Variants in IGDCC3 observed in about 807,000 individuals in gnomAD.
IGDCC3 encodes the protein putative neuronal cell adhesion molecule.
IGDCC3 carries 47 observed loss-of-function variants against 72.0 expected under a neutral mutation model. The ratio of observed to expected loss-of-function variants is 0.65; its 90% CI spans 0.52 to 0.83. The LOEUF (loss-of-function observed/expected upper bound fraction) is 0.83. Ranked by LOEUF, IGDCC3 falls within the 40% of genes least tolerant of loss-of-function variation. The pLI is 0.00. For missense variants in IGDCC3, 1,038 were observed against 1,091.3 expected (o/e 0.95, Z 0.69); for synonymous variants, 477 against 472.8 (o/e 1.01, Z -0.11).
chr15:65,374,616 C>A (rs1384821820), intron 2 of IGDCC3, among the ~76,000 whole-genome samples: 1 of 152,122 alleles, frequency 6.6e-6, no homozygotes, highest in Admixed American at 6.5e-5. Flanking sequence ...TCCAGAATTT[C>A]ATTACTGGTA....
At chr15:65,371,382 C>A (rs974800361) in intron 2 of IGDCC3, among the ~76,000 whole-genome samples, 2 of 152,212 alleles carry the variant, frequency 1.3e-5, no homozygotes, top group Admixed American at 1.3e-4. Flanking sequence ...AGCTGGGGTT[C>A]AGACCCATGG....
intron 2 of IGDCC3, among the ~76,000 whole-genome samples, chr15:65,345,685 A>C (rs2091119406): frequency 6.6e-6 from 1 of 152,220 alleles, no homozygotes; most frequent in Admixed American, 6.5e-5. Context: ...CACCAGAGCC[A>C]GGATCTTAGG....
chr15:65,358,702 C>T (rs910539098), intron 2 of IGDCC3, among the ~76,000 whole-genome samples: 1 of 152,050 alleles, frequency 6.6e-6, no homozygotes. Flanking sequence ...GACATGGTCT[C>T]TCTCTGTCAC....
intron 2 of IGDCC3, chr15:65,355,656 T>TACCCCCCCCC: frequency 4.7e-6 from 1 of 211,730 alleles, no homozygotes; most frequent in Non-Finnish European, 9.7e-6. Context: ...GACGCGGGCG[T>TACCCCCCCCC]CCCGCCCCCC....
At chr15:65,352,577 TC>T (rs2091181527) in intron 2 of IGDCC3, among the ~76,000 whole-genome samples, 1 of 152,172 alleles carries the variant, frequency 6.6e-6, no homozygotes, top group Non-Finnish European at 1.5e-5. Flanking sequence ...CCCCAAGTTA[TC>T]TTGGGACCTC....
chr15:65,353,999 T>C (rs1256082777), intron 2 of IGDCC3, among the ~76,000 whole-genome samples: 1 of 152,006 alleles, frequency 6.6e-6, no homozygotes, highest in Non-Finnish European at 1.5e-5. Flanking sequence ...TCCACCTCCC[T>C]GCTTCAAGTG....
Position 65,377,538 on chromosome 15 carries a change from G to A in IGDCC3, c.103+148C>T, listed in dbSNP as rs2091366353. The stretch of plus-strand genomic sequence containing the variant: ...AGTCCGGCCTTGGTACCCTCTCCCC[G>A]TCCGGATCCGCAGGGTCCCCCCCGC... On this transcript the variant is annotated intron_variant, in intron 1 of 13. Transcript: ENST00000327987. This position sits in a 1 kb window ranked among gnomAD's most constrained non-coding sequence, Gnocchi z 4.9. The A allele has an allele frequency of 5.1e-6, 4 of 785,944 alleles. No homozygotes were observed. Among genetic ancestry groups the A allele is most frequent in the Non-Finnish European group, 6.8e-6 (4 of 584,038 alleles). 48.7% of individuals were successfully genotyped at this position (785,944 alleles called of 1,614,324 possible). A position where few individuals can be genotyped will look rare whatever the true frequency, so the allele number is the denominator to read the frequency against.
In IGDCC3 at chr15:65,370,630, A is replaced by ATG. The variant is rs1385235227; in HGVS notation, c.409+4466_409+4467insCA. Among the ~76,000 whole-genome samples the ATG allele has an allele frequency of 1.1e-4, 16 of 144,590 alleles. No homozygotes were observed. The South Asian group carries it at 1.9e-3, about 17-fold the overall frequency. 94.9% of individuals were successfully genotyped at this position (144,590 alleles called of 152,430 possible). A position where few individuals can be genotyped will look rare whatever the true frequency, so the allele number is the denominator to read the frequency against. On this transcript the variant is annotated intron_variant, in intron 2 of 13. Coordinates refer to ENST00000327987, the MANE Select transcript of IGDCC3 (RefSeq NM_004884.4). ...TATATATATGTATGTGTATATATAT[A>ATG]TATATATATATATATATAAAATTAG...
At position 65,330,295 on chromosome 15, in the gene IGDCC3, G is replaced by A. The variant is rs919594927; in HGVS notation, c.1856C>T (p.Thr619Ile). The A allele has an allele frequency of 6.8e-6, 11 of 1,610,590 alleles. No homozygotes were observed. The highest frequency in any genetic ancestry group is 2.2e-5 in the East Asian group (1 of 44,856). Reference sequence around the variant, plus strand: ...CGCACTCCATCCCCAGCCCTCACCTGTCCTCTCAGATGCTCCCCTCAAAGA... The same window carrying A: ...CGCACTCCATCCCCAGCCCTCACCTATCCTCTCAGATGCTCCCCTCAAAGA... ...FVSLRGASER[T>I]ALSPPCDCRK... Residue 619 changes from threonine to isoleucine, a missense_variant and splice_region_variant, in exon 11 of 14, where the codon ACA (threonine) becomes ATA (isoleucine). By Grantham distance (89) the Thr-to-Ile change is moderately conservative. Transcript: ENST00000327987.
intron 8 of IGDCC3, 44 bp from the exon 9 acceptor site, chr15:65,331,258 G>A (rs746034026): frequency 1.9e-6 from 3 of 1,600,360 alleles, no homozygotes; most frequent in Non-Finnish European, 1.7e-6. Flanking sequence ...AGGACTGGGG[G>A]AGTCCTGCCA....
chr15:65,347,560 C>T (rs2091134852), intron 2 of IGDCC3, among the ~76,000 whole-genome samples: 1 of 152,172 alleles, frequency 6.6e-6, no homozygotes, highest in African/African-American at 2.4e-5. Context: ...GCTGCATTCC[C>T]AGATGGGTAA....
chr15:65,366,802 C>T (rs2091290418), intron 2 of IGDCC3, among the ~76,000 whole-genome samples: 1 of 152,192 alleles, frequency 6.6e-6, no homozygotes, highest in Admixed American at 6.5e-5. Context: ...CAGCCCCCAG[C>T]TTCCCACCTT....
At position 65,327,507 on chromosome 15, in the gene IGDCC3, T is replaced by A. The variant is rs1436741235; in HGVS notation, c.*1402A>T. The A allele has an allele frequency of 6.6e-6, 1 of 152,228 alleles. No homozygotes were observed. Among genetic ancestry groups the A allele is most frequent in the Admixed American group, 6.5e-5 (1 of 15,280 alleles). The allele number at this position is 152,228 out of a possible 1,614,324, so 9.4% of individuals were successfully genotyped here. The stretch of plus-strand genomic sequence containing the variant: ...GTCTCATTCTTAAGGAATACACTTA[T>A]CTTTTTTCTTTAAAAAAAGTTTTTC... On this transcript the variant is annotated 3_prime_UTR_variant, in exon 14 of 14. Transcript: ENST00000327987.
In IGDCC3 at chr15:65,339,138, A is replaced by G. The variant is rs897170842; in HGVS notation, c.410-3182T>C. 9.2e-5 allele frequency among the ~76,000 whole-genome samples: 14 copies of G among 151,898 alleles called. No homozygotes were observed. The highest frequency in any genetic ancestry group is 3.4e-4 in the African/African-American group (14 of 41,324). ...GCTCTGTCACCCAGGCTGGAGTGCA[A>G]TGGCATGATCTCAGCTCACCGCAAG... On this transcript the variant is annotated intron_variant, in intron 2 of 13. Coordinates refer to ENST00000327987, the MANE Select transcript of IGDCC3 (RefSeq NM_004884.4). This position sits in a 1 kb window ranked among gnomAD's most constrained non-coding sequence, Gnocchi z 4.1.
chr15:65,364,905 A>G (rs935563798), intron 2 of IGDCC3, among the ~76,000 whole-genome samples: 5 of 152,158 alleles, frequency 3.3e-5, no homozygotes, highest in Non-Finnish European at 7.3e-5. Context: ...AAAGAAAAAT[A>G]GAACATGCAC....
At chr15:65,338,329 A>G (rs894616227) in intron 2 of IGDCC3, among the ~76,000 whole-genome samples, 8 of 152,190 alleles carry the variant, frequency 5.3e-5, no homozygotes, top group Non-Finnish European at 7.3e-5. Flanking sequence ...CTTTGCCTTT[A>G]AGAGTAATTG....
At chr15:65,354,247 G>A (rs1039435547) in intron 2 of IGDCC3, among the ~76,000 whole-genome samples, 4 of 152,084 alleles carry the variant, frequency 2.6e-5, no homozygotes, top group East Asian at 3.9e-4. Flanking sequence ...CTGCGGACTC[G>A]CCCTGAATTT....
chr15:65,371,432 T>C (rs1381126401), intron 2 of IGDCC3, among the ~76,000 whole-genome samples: 1 of 152,236 alleles, frequency 6.6e-6, no homozygotes, highest in Non-Finnish European at 1.5e-5. Flanking sequence ...GGCTTCACTA[T>C]GCTGCCTGAA....
chr15:65,376,824 T>A (rs1448825295), intron 1 of IGDCC3, among the ~76,000 whole-genome samples: 1 of 152,072 alleles, frequency 6.6e-6, no homozygotes, highest in African/African-American at 2.4e-5. Context: ...ATAGCCCAGA[T>A]GAGTGTCTGT....
Sources: gnomAD v4.1 joint callset for allele counts (sites outside exome capture counted in the v4.1 genomes callset) on GRCh38, gnomAD v4.1.1 for gene constraint, Gnocchi (gnomAD v3.1) non-coding constraint, MANE v1.5 for transcripts, NCBI Gene and HGNC (gene_info 2026-07-23, HGNC 2026-07-21) for gene names.